Variants in NPAS4 observed in about 807,000 individuals in gnomAD.
NPAS4 encodes the protein neuronal PAS domain protein 4.
In NPAS4, 10 loss-of-function variants were observed where a neutral mutation model predicts 64.0. That is an observed-to-expected ratio of 0.16 (90% CI 0.10 to 0.26). NPAS4 has a LOEUF of 0.26. Ranked by LOEUF, NPAS4 falls within the 10% of genes least tolerant of loss-of-function variation. The probability of loss-of-function intolerance (pLI) is 1.00; values close to 1 mark genes in which losing one functional copy is unlikely to be tolerated. For synonymous variants in NPAS4, 441 were observed against 411.7 expected (o/e 1.07, Z -0.86); for missense variants, 886 against 992.6 (o/e 0.89, Z 1.44).
Position 66,425,137 on chromosome 11 carries a change from A to C in NPAS4, c.2247A>C (p.Glu749Asp). Residue 749 changes from glutamate to aspartate, a missense_variant, in exon 7 of 8, where the codon GAA becomes GAC. Transcript: ENST00000311034. Reference sequence around the variant, plus strand: ...CGCCTTGCAACAACCTGTCCCCAGAAGACCACAGCTTCCTGGAGGACCTGG... The same window carrying C: ...CGCCTTGCAACAACCTGTCCCCAGACGACCACAGCTTCCTGGAGGACCTGG... ...APSPCNNLSP[E>D]DHSFLEDLAT... The C allele has an allele frequency of 1.2e-6, 2 of 1,605,854 alleles. No homozygotes were observed. Among genetic ancestry groups the C allele is most frequent in the Non-Finnish European group, 1.7e-6 (2 of 1,177,344 alleles).
rs757141324 is a variant in NPAS4 at position 66,421,252 on chromosome 11, G to T, written c.73G>T (p.Glu25Ter). The T allele has an allele frequency of 3.7e-6, 6 of 1,614,024 alleles. No individual in the cohort carries two copies. The South Asian group carries it at 5.5e-5, about 15-fold the overall frequency. Residue 25 changes from glutamate (E) to a stop codon, truncating the protein, a stop_gained, in exon 1 of 8, where the codon GAG (glutamate) becomes TAG (stop). Transcript: ENST00000311034. LOFTEE classifies it high-confidence loss of function. ...QINAEIRNLK[E>*]LLPLAEADKV... ...CAACGCCGAGATCCGGAACCTCAAG[G>T]AGCTGCTGCCGCTGGCCGAAGCGGA... is the stretch of plus-strand genomic sequence containing the variant.
Position 66,424,097 on chromosome 11 carries a change from ACATTCCCTT to A in NPAS4, c.1209_1217del (p.Phe404_Ser406del), listed in dbSNP as rs1329437102. 1 of 1,614,068 alleles carries A rather than the reference ACATTCCCTT, an allele frequency of 6.2e-7. No individual in the cohort carries two copies. Among genetic ancestry groups the A allele is most frequent in the Non-Finnish European group, 8.5e-7 (1 of 1,180,012 alleles). On this transcript the variant is annotated inframe_deletion, in exon 7 of 8. Transcript: ENST00000311034. ...CAAAGAACTGGACTTCAGTTACCTG[ACATTCCCTT>A]CTGGGCCTGAGCCTTCTCTCCAAGC...
chr11:66,414,469 C>A, the NPAS4 span, among the ~76,000 whole-genome samples: 2 of 152,110 alleles, frequency 1.3e-5, no homozygotes, highest in African/African-American at 4.8e-5. Context: ...CCTCTCCCAC[C>A]CCCTCCATGG....
chr11:66,416,024 C>T (rs1335004738), upstream of NPAS4, among the ~76,000 whole-genome samples: 1 of 152,096 alleles, frequency 6.6e-6, no homozygotes, highest in African/African-American at 2.4e-5. Flanking sequence ...ATCATTTCAG[C>T]CCAGGAGTTT....
upstream of NPAS4, chr11:66,420,882 GA>G: frequency 5.5e-6 from 2 of 366,940 alleles, no homozygotes; most frequent in Admixed American, 8.4e-5. Context: ...GATGACGTCG[GA>G]AGCCGGGCGG....
At position 66,424,789 on chromosome 11, in the gene NPAS4, C is replaced by A. The variant is rs771199456; in HGVS notation, c.1899C>A (p.Asp633Glu). ...CTGAAAAGGAGCAGAATGAGATAGA[C>A]CGTCTCATCCAGCAGATTAGCCAAT... is the stretch of plus-strand genomic sequence containing the variant. ...HYSEKEQNEI[D>E]RLIQQISQLA... The change falls in exon 7 of 8, where the codon GAC (aspartate) becomes GAA (glutamate). Residue 633 changes from aspartate to glutamate, a missense_variant. Physicochemically the swap from Asp to Glu is conservative, Grantham distance 45. Transcript: ENST00000311034. 32 of 1,613,952 alleles carry A rather than the reference C, an allele frequency of 2.0e-5. No homozygotes were observed. Among genetic ancestry groups the A allele is most frequent in the Admixed American group, 3.3e-5 (2 of 60,004 alleles).
At chr11:66,420,873 A>G (rs1856730261), upstream of NPAS4, 4 of 342,216 alleles carry the variant, frequency 1.2e-5, no homozygotes, top group Non-Finnish European at 2.2e-5. Context: ...ACGTCATGAG[A>G]TGACGTCGGA....
upstream of NPAS4, among the ~76,000 whole-genome samples, chr11:66,419,732 TGAAAAGGATA>T (rs1220717758): frequency 6.6e-6 from 1 of 151,494 alleles, no homozygotes; most frequent in African/African-American, 2.4e-5. Flanking sequence ...TGACAGGATA[TGAAAAGGATA>T]GAAAAGGATA....
upstream of NPAS4, among the ~76,000 whole-genome samples, chr11:66,420,181 C>T (rs1349633232): frequency 2.0e-5 from 3 of 152,240 alleles, no homozygotes. Context: ...CCCAGGTCCT[C>T]GCCGTGCCCC....
chr11:66,413,635 G>A, the NPAS4 span, among the ~76,000 whole-genome samples: 1 of 152,198 alleles, frequency 6.6e-6, no homozygotes, highest in Admixed American at 6.5e-5. Flanking sequence ...TGGCTACCTG[G>A]CACTGTGTTG....
In NPAS4 at chr11:66,421,365, TG is replaced by T; in HGVS notation, c.175+15del. On this transcript the variant is annotated intron_variant, in intron 1 of 7. Coordinates refer to ENST00000311034, the MANE Select transcript of NPAS4 (RefSeq NM_178864.4). ...TCTTCTTCGCTGGTGGTGAGCATGC[TG>T]GGGCTACCGCAGATCCGAGCTGCCA... is the stretch of plus-strand genomic sequence containing the variant. The T allele has an allele frequency of 2.5e-6, 4 of 1,613,106 alleles. No individual in the cohort carries two copies. Among genetic ancestry groups the T allele is most frequent in the Non-Finnish European group, 3.4e-6 (4 of 1,179,186 alleles).
chr11:66,414,135 G>T, the NPAS4 span, among the ~76,000 whole-genome samples: 1 of 152,172 alleles, frequency 6.6e-6, no homozygotes, highest in African/African-American at 2.4e-5. Context: ...AAGCACAGGG[G>T]CTGGGGGGCA....
chr11:66,424,317 C>A lies in NPAS4; in HGVS notation c.1427C>A (p.Thr476Asn), dbSNP rs200716874. 1.2e-6 allele frequency: 2 copies of A among 1,614,082 alleles called. No homozygotes were observed. Among genetic ancestry groups the A allele is most frequent in the South Asian group, 1.1e-5 (1 of 91,090 alleles). ...GATCAGTTGACGCCCAGCAGTGCAA[C>A]CTTCCCAGATCCACTAACTAGCCCA... ...FSDQLTPSSATFPDPLTSPLQ... is the reference protein window; with the variant it reads ...FSDQLTPSSANFPDPLTSPLQ... Residue 476 changes from threonine (T) to asparagine (N), a missense_variant, in exon 7 of 8, where the codon ACC (threonine) becomes AAC (asparagine). Around this residue, in one of 3 missense-constraint regions of NPAS4, gnomAD observed 820 missense variants for 855.5 expected, o/e 0.96. Coordinates refer to ENST00000311034, the MANE Select transcript of NPAS4 (RefSeq NM_178864.4).
upstream of NPAS4, among the ~76,000 whole-genome samples, chr11:66,418,178 C>T (rs1471164862): frequency 6.6e-6 from 1 of 152,196 alleles, no homozygotes; most frequent in Non-Finnish European, 1.5e-5. Flanking sequence ...CACTCCCTTG[C>T]CCACTTTCCC....
In NPAS4 at chr11:66,422,708, G is replaced by C. The variant is rs1032809717; in HGVS notation, c.465G>C (p.Lys155Asn). 1 of 1,613,976 alleles carries C rather than the reference G, an allele frequency of 6.2e-7. No individual in the cohort carries two copies. Among genetic ancestry groups the C allele is most frequent in the Non-Finnish European group, 8.5e-7 (1 of 1,179,980 alleles). Residue 155 changes from lysine to asparagine, a missense_variant, in exon 4 of 8, where the codon AAG becomes AAC. This residue lies in a region of NPAS4 where 820 missense variants were observed against 855.5 expected (regional missense o/e 0.96). Transcript: ENST00000311034. The stretch of plus-strand genomic sequence containing the variant: ...TCCGCTGCCGCTTCAACACCTCCAA[G>C]TCCCTCAGGCGCCAGAGTGCAGGCA... ...RLFRCRFNTS[K>N]SLRRQSAGNK...
intron 1 of NPAS4, 72 bp downstream of exon 1, chr11:66,421,426 G>A: frequency 7.0e-7 from 1 of 1,436,070 alleles, no homozygotes; most frequent in Admixed American, 1.8e-5. Context: ...GGAACCCGCT[G>A]GGGCTGTCGC....
At chr11:66,421,388 G>T in intron 1 of NPAS4, 34 bp downstream of exon 1, 1 of 1,603,996 alleles carries the variant, frequency 6.2e-7, no homozygotes, top group Non-Finnish European at 8.5e-7. Context: ...GATCCGAGCT[G>T]CCAGGCGCCG....
chr11:66,425,183 G>T lies in NPAS4; in HGVS notation c.2293G>T (p.Glu765Ter). 1 of 1,586,244 alleles carries T rather than the reference G, an allele frequency of 6.3e-7. No individual in the cohort carries two copies. Among genetic ancestry groups the T allele is most frequent in the South Asian group, 1.2e-5 (1 of 85,996 alleles). Reference sequence around the variant, plus strand: ...CCTGGCCACATATGAAACCGCCTTTGAGACAGGTGTCTCAGCATTCCCCTA... The same window carrying T: ...CCTGGCCACATATGAAACCGCCTTTTAGACAGGTGTCTCAGCATTCCCCTA... ...EDLATYETAFETGVSAFPYDG... is the reference protein window; with the variant it reads ...EDLATYETAF Residue 765 changes from glutamate (E) to a stop codon, truncating the protein, a stop_gained, in exon 7 of 8, where the codon GAG becomes TAG. Transcript: ENST00000311034. LOFTEE classifies it high-confidence loss of function.
Position 66,423,879 on chromosome 11 carries a change from A to T in NPAS4, c.989A>T (p.Asp330Val), listed in dbSNP as rs781529996. The change falls in exon 7 of 8, where the codon GAC becomes GTC. Residue 330 changes from aspartate (D) to valine (V), a missense_variant. Physicochemically the swap from Asp to Val is radical, Grantham distance 152 (BLOSUM62 -3). Around this residue, in one of 3 missense-constraint regions of NPAS4, gnomAD observed 820 missense variants for 855.5 expected, o/e 0.96. Transcript: ENST00000311034. ...CTCCGCCAGCAGTTGAACTCTGAAG[A>T]CACCCAGGCAGCTTATGTCCTGGGC... ...WSLRQQLNSE[D>V]TQAAYVLGTP... The T allele has an allele frequency of 3.7e-6, 6 of 1,613,140 alleles. No individual in the cohort carries two copies. In the African/African-American group the frequency reaches 6.7e-5, roughly 18 times the overall value.
Sources: allele counts gnomAD v4.1 joint callset (sites outside exome capture counted in the v4.1 genomes callset), GRCh38; gene constraint gnomAD v4.1.1; regional missense constraint gnomAD v4.1.1; transcripts MANE v1.5; gene names NCBI Gene and HGNC (gene_info 2026-07-23, HGNC 2026-07-21).